ITGB3BP: variants seen among roughly 807,000 people sequenced by gnomAD.
ITGB3BP encodes the protein centromere protein R.
Under a neutral mutation model 29.1 loss-of-function variants are expected in ITGB3BP, and 27 were observed. The observed-to-expected ratio is 0.93, with a 90% confidence interval of 0.68 to 1.28. The LOEUF is 1.28. Among genes scored for constraint, ITGB3BP ranks in the 50% most tolerant of loss-of-function variants. The probability of loss-of-function intolerance (pLI) is 0.00; values close to 1 mark genes in which losing one functional copy is unlikely to be tolerated. For missense variants in ITGB3BP, 192 were observed against 200.2 expected, an observed-to-expected ratio of 0.96 and a Z score of 0.25; for synonymous variants, 61 against 61.4, an observed-to-expected ratio of 0.99 and a Z score of 0.03.
At chr1:63,449,300 T>C (rs1050979523) in intron 7 of ITGB3BP, 34 of 152,666 alleles carry the variant, frequency 2.2e-4, no homozygotes, top group African/African-American at 7.7e-4. Flanking sequence ...TAATGTCTGA[T>C]AGCAAGTTAT....
intron 4 of ITGB3BP, among the ~76,000 whole-genome samples, chr1:63,472,272 T>G (rs1645211528): frequency 6.6e-6 from 1 of 151,764 alleles, no homozygotes; most frequent in South Asian, 2.1e-4. Flanking sequence ...GAATCTACAG[T>G]GACTCCATCA....
chr1:63,527,573 T>A (rs551512652), upstream of ITGB3BP, among the ~76,000 whole-genome samples: 208 of 152,278 alleles, frequency 1.4e-3, no homozygotes, highest in African/African-American at 4.9e-3. Flanking sequence ...TGGCAAAAGA[T>A]CCATATCATG....
At chr1:63,456,515 T>C (rs1017693262) in intron 4 of ITGB3BP, among the ~76,000 whole-genome samples, 1 of 152,160 alleles carries the variant, frequency 6.6e-6, no homozygotes, top group African/African-American at 2.4e-5. Context: ...CCACCAAGGC[T>C]GGATCCTCTA....
intron 3 of ITGB3BP, among the ~76,000 whole-genome samples, chr1:63,487,406 G>A (rs1645551921): frequency 6.6e-6 from 1 of 151,980 alleles, no homozygotes; most frequent in South Asian, 2.1e-4. Flanking sequence ...ATACATAAAT[G>A]ATACATAACA....
chr1:63,525,597 G>A (rs1383841396), upstream of ITGB3BP: 22 of 1,568,704 alleles, frequency 1.4e-5, no homozygotes, highest in Non-Finnish European at 1.7e-5. Context: ...ACGAAGCGAT[G>A]CAACTTTCTC....
intron 2 of ITGB3BP, among the ~76,000 whole-genome samples, chr1:63,500,519 G>A (rs1645900512): frequency 6.6e-6 from 1 of 152,026 alleles, no homozygotes; most frequent in African/African-American, 2.4e-5. Flanking sequence ...AAATTATAAA[G>A]CAATTCCATT....
intron 7 of ITGB3BP, among the ~76,000 whole-genome samples, chr1:63,452,661 C>A (rs1444702114): frequency 2.0e-5 from 3 of 149,976 alleles, no homozygotes; most frequent in Non-Finnish European, 3.0e-5. Context: ...AGATCCCAAG[C>A]CACATCCAAG....
At chr1:63,512,546 G>A (rs1382362664) in intron 1 of ITGB3BP, among the ~76,000 whole-genome samples, 2 of 152,010 alleles carry the variant, frequency 1.3e-5, no homozygotes. Context: ...CAGGACTGAG[G>A]GGAAGAATGG....
intron 8 of ITGB3BP, among the ~76,000 whole-genome samples, chr1:63,445,861 A>AT (rs1644784919): frequency 6.6e-6 from 1 of 151,950 alleles, no homozygotes; most frequent in Non-Finnish European, 1.5e-5. Flanking sequence ...CAGTGCTGGG[A>AT]TTACAGGCAT....
chr1:63,523,726 T>A (rs1646520125), upstream of ITGB3BP: 1 of 161,064 alleles, frequency 6.2e-6, no homozygotes, highest in African/African-American at 2.4e-5. Flanking sequence ...TACTTCTCTG[T>A]CATAAACATT....
At chr1:63,525,414 C>T (rs1646571063), upstream of ITGB3BP, among the ~76,000 whole-genome samples, 2 of 152,148 alleles carry the variant, frequency 1.3e-5, no homozygotes, top group Non-Finnish European at 2.9e-5. Context: ...TTTACTTCCA[C>T]ATATAAAACT....
upstream of ITGB3BP, chr1:63,523,456 C>A (rs1025929376): frequency 4.6e-6 from 2 of 436,806 alleles, no homozygotes; most frequent in Non-Finnish European, 8.4e-6. Context: ...CGGATCAGCG[C>A]TTCCTAGATT....
chr1:63,501,385 C>A (rs1487447210), intron 2 of ITGB3BP, among the ~76,000 whole-genome samples: 1 of 130,534 alleles, frequency 7.7e-6, no homozygotes, highest in African/African-American at 2.9e-5. Flanking sequence ...TTATGAGACT[C>A]CATTTATATG....
intron 2 of ITGB3BP, among the ~76,000 whole-genome samples, chr1:63,504,462 G>C (rs1468522653): frequency 6.6e-6 from 1 of 151,724 alleles, no homozygotes; most frequent in Admixed American, 6.6e-5. Context: ...TGCAAACAGG[G>C]ACAGTTTGAC....
intron 4 of ITGB3BP, among the ~76,000 whole-genome samples, chr1:63,459,379 T>C (rs1644980898): frequency 6.6e-6 from 1 of 152,200 alleles, no homozygotes; most frequent in Non-Finnish European, 1.5e-5. Flanking sequence ...AATTGTACTT[T>C]TATAAATCTC....
chr1:63,447,553 A>AT (rs749267991), intron 7 of ITGB3BP: 1 of 483,238 alleles, frequency 2.1e-6, no homozygotes, highest in South Asian at 1.5e-5. Context: ...AGATGAAGCA[A>AT]TTTAGCTTTA....
At chr1:63,510,375 T>G (rs886137844) in intron 1 of ITGB3BP, among the ~76,000 whole-genome samples, 15 of 152,156 alleles carry the variant, frequency 9.9e-5, no homozygotes, top group African/African-American at 3.1e-4. Flanking sequence ...ACAAAGTAAC[T>G]AAATGTTTGC....
intron 4 of ITGB3BP, among the ~76,000 whole-genome samples, chr1:63,474,381 C>T (rs1645290056): frequency 2.0e-5 from 3 of 150,108 alleles, no homozygotes; most frequent in Middle Eastern, 3.6e-3. Context: ...GGCCACGACC[C>T]CGTCTGGGAG....
chr1:63,525,427 T>G (rs1250427850), upstream of ITGB3BP: 1 of 575,870 alleles, frequency 1.7e-6, no homozygotes, highest in Non-Finnish European at 2.8e-6. Context: ...ATAAAACTTT[T>G]AATATCTTGA....
Sources: gnomAD v4.1 joint callset for allele counts (sites outside exome capture counted in the v4.1 genomes callset) on GRCh38, gnomAD v4.1.1 for gene constraint, MANE v1.5 for transcripts, NCBI Gene and HGNC (gene_info 2026-07-23, HGNC 2026-07-21) for gene names.